Variants in SNTG1 observed in about 807,000 individuals in gnomAD.
The protein encoded by SNTG1 is gamma-1-syntrophin.
Under a neutral mutation model 74.7 loss-of-function variants are expected in SNTG1, and 39 were observed. That is an observed-to-expected ratio of 0.52 (90% confidence interval 0.40 to 0.68). The LOEUF is 0.68. Ranked by LOEUF, SNTG1 falls within the 30% of genes least tolerant of loss-of-function variation. The pLI, the probability that SNTG1 is intolerant of heterozygous loss-of-function variation, is 0.00. For synonymous variants in SNTG1, 254 were observed against 217.1 expected, an observed-to-expected ratio of 1.17 and a Z score of -1.49; for missense variants, 685 against 609.5, an observed-to-expected ratio of 1.12 and a Z score of -1.30.
intron 13 of SNTG1, among the ~76,000 whole-genome samples, chr8:50,639,183 T>C (rs1328856762): frequency 6.6e-6 from 1 of 151,242 alleles, no homozygotes; most frequent in Non-Finnish European, 1.5e-5. Context: ...CATTATTGTG[T>C]TATAAAATAA....
intron 1 of SNTG1, among the ~76,000 whole-genome samples, chr8:50,035,008 A>G (rs1446856649): frequency 6.6e-6 from 1 of 152,168 alleles, no homozygotes; most frequent in Non-Finnish European, 1.5e-5. Context: ...CTGCACTCCA[A>G]GTTGTCTTTC....
intron 1 of SNTG1, among the ~76,000 whole-genome samples, chr8:49,994,060 C>G (rs2054743): frequency 0.53 from 81,102 of 151,856 alleles, 24,498 homozygotes; most frequent in East Asian, 0.8. Context: ...AATTTTACTA[C>G]AAGCCTTTTC....
chr8:50,635,393 G>T (rs926814838), intron 13 of SNTG1, among the ~76,000 whole-genome samples: 1 of 152,090 alleles, frequency 6.6e-6, no homozygotes, highest in African/African-American at 2.4e-5. Flanking sequence ...GTTTTTTCAG[G>T]CCCTAGGCTG....
rs558777079 is a variant in SNTG1 at position 50,398,021 on chromosome 8, T to C, written c.27+3756T>C. 1.6e-3 allele frequency among the ~76,000 whole-genome samples: 245 copies of C among 152,310 alleles called. 1 individual carries two copies. The highest frequency in any genetic ancestry group is 5.7e-3 in the African/African-American group (236 of 41,572). On this transcript the variant is annotated intron_variant, in intron 3 of 18. Transcript: ENST00000642720. ...ATGAGTGAGGATCTCAGTCCAGCAATGCTGATTCTAATCAAGACAGTGCCC... is the reference window on the plus strand; with the variant it reads ...ATGAGTGAGGATCTCAGTCCAGCAACGCTGATTCTAATCAAGACAGTGCCC...
chr8:50,550,457 A>G (rs993778554), intron 11 of SNTG1, among the ~76,000 whole-genome samples: 1 of 152,214 alleles, frequency 6.6e-6, no homozygotes, highest in Non-Finnish European at 1.5e-5. Flanking sequence ...TGTTAGGTTG[A>G]AAATTATTCA....
At chr8:50,212,028 T>C (rs1229197594) in intron 2 of SNTG1, among the ~76,000 whole-genome samples, 22 of 152,198 alleles carry the variant, frequency 1.4e-4, no homozygotes, top group Admixed American at 1.4e-3. Flanking sequence ...ATAATAATTT[T>C]AATGAATTAA....
intron 17 of SNTG1, among the ~76,000 whole-genome samples, chr8:50,728,826 C>T (rs1483263901): frequency 6.6e-6 from 1 of 152,154 alleles, no homozygotes; most frequent in South Asian, 2.1e-4. Flanking sequence ...AGATCCCTGA[C>T]TGGGTCAAAT....
intron 18 of SNTG1, among the ~76,000 whole-genome samples, chr8:50,779,311 G>A (rs1051245148): frequency 6.6e-6 from 1 of 152,066 alleles, no homozygotes; most frequent in African/African-American, 2.4e-5. Flanking sequence ...TCATTTTCAC[G>A]ATATTGATTC....
chr8:50,575,103 G>T (rs554728260), intron 12 of SNTG1, among the ~76,000 whole-genome samples: 1 of 152,240 alleles, frequency 6.6e-6, no homozygotes, highest in African/African-American at 2.4e-5. Context: ...ACTGAGTGTG[G>T]TGGTGCAATT....
chr8:50,542,290 G>A (rs1295183946), intron 11 of SNTG1, among the ~76,000 whole-genome samples: 1 of 151,092 alleles, frequency 6.6e-6, no homozygotes, highest in Non-Finnish European at 1.5e-5. Context: ...CGAGTAGCTG[G>A]GATTACAGGC....
chr8:50,408,651 G>T (rs895205947), intron 4 of SNTG1, among the ~76,000 whole-genome samples: 2 of 152,188 alleles, frequency 1.3e-5, no homozygotes, highest in Non-Finnish European at 2.9e-5. Flanking sequence ...AGAGGGCACA[G>T]AACTGAGCAT....
chr8:50,715,904 C>T (rs1267898821), intron 17 of SNTG1, among the ~76,000 whole-genome samples: 1 of 152,020 alleles, frequency 6.6e-6, no homozygotes, highest in Non-Finnish European at 1.5e-5. Flanking sequence ...CATGAAATAC[C>T]TTAATCTTTC....
At chr8:50,475,191 A>G (rs1042501465) in intron 8 of SNTG1, among the ~76,000 whole-genome samples, 1 of 151,886 alleles carries the variant, frequency 6.6e-6, no homozygotes, top group Non-Finnish European at 1.5e-5. Context: ...ACAAACCTGC[A>G]CGTTGTGCAT....
intron 15 of SNTG1, among the ~76,000 whole-genome samples, chr8:50,675,818 G>A (rs1325628395): frequency 6.6e-6 from 1 of 151,950 alleles, no homozygotes; most frequent in Non-Finnish European, 1.5e-5. Flanking sequence ...TCCATATTTT[G>A]TGCTTCTTTT....
chr8:50,084,659 G>A (rs1288892107), intron 1 of SNTG1, among the ~76,000 whole-genome samples: 1 of 152,132 alleles, frequency 6.6e-6, no homozygotes. Context: ...TGTTACATGT[G>A]CTATGGCTTA....
At chr8:50,506,847 T>C (rs902539616) in intron 9 of SNTG1, among the ~76,000 whole-genome samples, 2 of 152,108 alleles carry the variant, frequency 1.3e-5, no homozygotes, top group Admixed American at 6.6e-5. Context: ...TGGTTGTATG[T>C]TGAATAGAAG....
intron 5 of SNTG1, among the ~76,000 whole-genome samples, chr8:50,440,041 T>C (rs917369054): frequency 1.3e-5 from 2 of 151,580 alleles, no homozygotes; most frequent in African/African-American, 2.4e-5. Context: ...TTTTTCTAAA[T>C]AAAGCTTTTC....
chr8:50,234,390 A>T (rs115651945), intron 2 of SNTG1, among the ~76,000 whole-genome samples: 1 of 151,818 alleles, frequency 6.6e-6, no homozygotes, highest in Non-Finnish European at 1.5e-5. Context: ...GTGTGTGTGT[A>T]ACTATAAAGG....
chr8:50,273,831 T>C (rs915279301), intron 2 of SNTG1, among the ~76,000 whole-genome samples: 2 of 151,682 alleles, frequency 1.3e-5, no homozygotes, highest in East Asian at 3.9e-4. Flanking sequence ...GGGAGAAGAG[T>C]GATGAGAGAA....
Sources: allele counts gnomAD v4.1 joint callset (sites outside exome capture counted in the v4.1 genomes callset), GRCh38; gene constraint gnomAD v4.1.1; transcripts MANE v1.5; gene names NCBI Gene and HGNC (gene_info 2026-07-23, HGNC 2026-07-21).